Variants in GPR158 observed in about 807,000 individuals in gnomAD.
GPR158 encodes the protein metabotropic glycine receptor.
In GPR158, 30 loss-of-function variants were observed where a neutral mutation model predicts 78.2. The ratio of observed to expected loss-of-function variants is 0.38; its 90% CI spans 0.29 to 0.52. The LOEUF (loss-of-function observed/expected upper bound fraction) is 0.52. Among genes scored for constraint, GPR158 ranks in the 20% least tolerant of loss-of-function variants. GPR158 has a pLI of 0.83. For missense variants in GPR158, 1,463 were observed against 1,523.5 expected (o/e 0.96, Z 0.66); for synonymous variants, 581 against 591.1 (o/e 0.98, Z 0.25).
chr10:25,336,112 G>A (rs923432727), intron 2 of GPR158, among the ~76,000 whole-genome samples: 4 of 151,988 alleles, frequency 2.6e-5, no homozygotes, highest in Non-Finnish European at 4.4e-5. Flanking sequence ...GTGGATGATG[G>A]AGCTGTATGT....
chr10:25,338,763 A>G (rs1244093210), intron 2 of GPR158, among the ~76,000 whole-genome samples: 1 of 150,672 alleles, frequency 6.6e-6, no homozygotes, highest in Admixed American at 6.6e-5. Context: ...TTGCATTTCT[A>G]TATACACTTT....
chr10:25,189,525 C>G (rs909419339), intron 1 of GPR158, among the ~76,000 whole-genome samples: 1 of 152,036 alleles, frequency 6.6e-6, no homozygotes, highest in Admixed American at 6.5e-5. Context: ...TCTCAGCAAA[C>G]TATCACAAGG....
intron 2 of GPR158, among the ~76,000 whole-genome samples, chr10:25,240,503 AGGTCACTTTGACTAAAT>A (rs1421094273): frequency 6.6e-6 from 1 of 152,220 alleles, no homozygotes; most frequent in Non-Finnish European, 1.5e-5. Flanking sequence ...CATCTCAAAG[AGGTCACTTTGACTAAAT>A]GGTCAGGACA....
intron 2 of GPR158, among the ~76,000 whole-genome samples, chr10:25,382,027 T>C (rs964485429): frequency 3.3e-5 from 5 of 152,184 alleles, no homozygotes; most frequent in Non-Finnish European, 7.4e-5. Flanking sequence ...CTGTCAAGAG[T>C]GAAAACAAAG....
chr10:25,490,967 A>C (rs1401078115), intron 5 of GPR158, among the ~76,000 whole-genome samples: 1 of 152,128 alleles, frequency 6.6e-6, no homozygotes, highest in East Asian at 1.9e-4. Context: ...ATGTTTAAGG[A>C]TGTTTATAGT....
At chr10:25,564,588 C>T (rs542799206) in intron 6 of GPR158, among the ~76,000 whole-genome samples, 10 of 152,236 alleles carry the variant, frequency 6.6e-5, no homozygotes, top group Non-Finnish European at 1.5e-4. Context: ...ATCCACCAAC[C>T]AGGCCAAAAT....
intron 5 of GPR158, among the ~76,000 whole-genome samples, chr10:25,469,216 G>C (rs768427194): frequency 2.6e-5 from 4 of 152,108 alleles, no homozygotes; most frequent in African/African-American, 9.7e-5. Flanking sequence ...CAAAGTTTAA[G>C]TACTATTTAT....
rs138432397 is a variant in GPR158 at position 25,265,002 on chromosome 10, C to T, written c.1008+43845C>T. Reference sequence around the variant, plus strand: ...TGTATATATCACCCTCTCATTGTATCTCATTAAAATGAATTATACTGAAAT... The same window carrying T: ...TGTATATATCACCCTCTCATTGTATTTCATTAAAATGAATTATACTGAAAT... On this transcript the variant is annotated intron_variant, in intron 2 of 10. Transcript: ENST00000376351. 1.0e-3 allele frequency among the ~76,000 whole-genome samples: 153 copies of T among 152,246 alleles called. 1 individual carries two copies. Among genetic ancestry groups the T allele is most frequent in the Admixed American group, 2.6e-3 (40 of 15,288 alleles).
chr10:25,419,939 T>C (rs1341960), intron 4 of GPR158, among the ~76,000 whole-genome samples: 105,533 of 152,016 alleles, frequency 0.69, 37,734 homozygotes, highest in Non-Finnish European at 0.8. Flanking sequence ...TATATTATCA[T>C]GCAGACTAGT....
intron 6 of GPR158, among the ~76,000 whole-genome samples, chr10:25,553,680 G>C (rs888582652): frequency 3.3e-5 from 5 of 152,094 alleles, no homozygotes; most frequent in Non-Finnish European, 7.4e-5. Flanking sequence ...CTAGTGAATG[G>C]AGCTGCAAAG....
chr10:25,187,335 A>G (rs1187941351), intron 1 of GPR158, among the ~76,000 whole-genome samples: 1 of 152,198 alleles, frequency 6.6e-6, no homozygotes, highest in African/African-American at 2.4e-5. Flanking sequence ...ATAAAAAAAG[A>G]GAATTTTAGG....
intron 5 of GPR158, among the ~76,000 whole-genome samples, chr10:25,521,563 C>T (rs1830179421): frequency 6.6e-6 from 1 of 152,182 alleles, no homozygotes; most frequent in African/African-American, 2.4e-5. Flanking sequence ...GGATCCATTG[C>T]TGGTGAGCCA....
intron 4 of GPR158, among the ~76,000 whole-genome samples, chr10:25,427,229 G>T (rs907693415): frequency 6.6e-6 from 1 of 152,016 alleles, no homozygotes; most frequent in Non-Finnish European, 1.5e-5. Flanking sequence ...GGAGAAGGTC[G>T]AACCACTGTA....
chr10:25,439,739 A>G (rs1210118034), intron 4 of GPR158, among the ~76,000 whole-genome samples: 1 of 152,140 alleles, frequency 6.6e-6, no homozygotes, highest in Non-Finnish European at 1.5e-5. Flanking sequence ...TTTACCTTGA[A>G]ACATGTGGAA....
intron 2 of GPR158, among the ~76,000 whole-genome samples, chr10:25,362,137 A>G (rs936500015): frequency 4.6e-5 from 7 of 151,958 alleles, no homozygotes; most frequent in African/African-American, 1.4e-4. Flanking sequence ...GAGTTAATAT[A>G]TATGGCATAA....
intron 2 of GPR158, among the ~76,000 whole-genome samples, chr10:25,228,554 A>G (rs1330976884): frequency 2.0e-5 from 3 of 152,184 alleles, no homozygotes; most frequent in Non-Finnish European, 4.4e-5. Context: ...GTTCTCCAGT[A>G]TGGTTTAAGG....
intron 2 of GPR158, among the ~76,000 whole-genome samples, chr10:25,362,762 G>A (rs1453837549): frequency 1.3e-5 from 2 of 151,966 alleles, no homozygotes; most frequent in African/African-American, 2.4e-5. Flanking sequence ...GTATAGAAAT[G>A]TAACTGATTT....
At chr10:25,591,551 T>C (rs1837341051) in intron 8 of GPR158, among the ~76,000 whole-genome samples, 1 of 152,148 alleles carries the variant, frequency 6.6e-6, no homozygotes, top group Non-Finnish European at 1.5e-5. Flanking sequence ...TGGTGTTGAA[T>C]AGACATGATG....
At chr10:25,474,348 T>C (rs758981842) in intron 5 of GPR158, among the ~76,000 whole-genome samples, 6 of 152,122 alleles carry the variant, frequency 3.9e-5, no homozygotes, top group Non-Finnish European at 8.8e-5. Context: ...GAAACTAAGA[T>C]ACCCCTTGTG....
Sources: gnomAD v4.1 joint callset for allele counts (sites outside exome capture counted in the v4.1 genomes callset) on GRCh38, gnomAD v4.1.1 for gene constraint, MANE v1.5 for transcripts, NCBI Gene and HGNC (gene_info 2026-07-23, HGNC 2026-07-21) for gene names.